The following LRRC40 variants were observed in gnomAD, a reference collection of about 807,000 sequenced individuals.
LRRC40 encodes leucine rich repeat containing 40, also known as leucine-rich repeat-containing protein 40.
In LRRC40, 76 loss-of-function variants were observed where a neutral mutation model predicts 72.8. That is an observed-to-expected ratio of 1.04 (90% CI 0.87 to 1.26). The LOEUF is 1.26. Among genes scored for constraint, LRRC40 ranks in the 50% most tolerant of loss-of-function variants. The probability of loss-of-function intolerance (pLI) is 0.00; values close to 1 mark genes in which losing one functional copy is unlikely to be tolerated. For missense variants in LRRC40, 684 were observed against 698.9 expected (o/e 0.98, Z 0.24); for synonymous variants, 243 against 254.2 (o/e 0.96, Z 0.42).
intron 14 of LRRC40, 132 bp from the exon 15 acceptor site, chr1:70,146,037 T>G (rs1667280744): frequency 1.5e-5 from 8 of 545,326 alleles, no homozygotes; most frequent in Non-Finnish European, 2.2e-5. Flanking sequence ...TTTTATTTCT[T>G]TTTTTGAGAC....
chr1:70,151,250 T>C (rs1170336383), intron 12 of LRRC40, 45 bp from the exon 13 acceptor site: 3 of 889,830 alleles, frequency 3.4e-6, no homozygotes, highest in Non-Finnish European at 5.5e-6. Context: ...TTTGAAAAAT[T>C]TTACAAGTTT....
At chr1:70,162,206 G>A (rs1667779618) in intron 9 of LRRC40, among the ~76,000 whole-genome samples, 1 of 151,962 alleles carries the variant, frequency 6.6e-6, no homozygotes, top group Non-Finnish European at 1.5e-5. Context: ...TTGGAAGAAC[G>A]AACCTTAGGA....
intron 9 of LRRC40, among the ~76,000 whole-genome samples, chr1:70,161,503 C>T (rs1451848189): frequency 6.7e-6 from 1 of 149,594 alleles, no homozygotes. Flanking sequence ...AGTGCAAGAT[C>T]GCGCCACTGC....
intron 2 of LRRC40, 133 bp from the exon 3 acceptor site, chr1:70,187,471 G>A (rs1668386221): frequency 1.8e-6 from 1 of 549,810 alleles, no homozygotes; most frequent in African/African-American, 2.0e-5. Flanking sequence ...TTGAACTACT[G>A]TTCAACATAC....
In LRRC40 at chr1:70,184,054, G is replaced by A. The variant is rs577519848; in HGVS notation, c.537+731C>T. 2.0e-5 allele frequency among the ~76,000 whole-genome samples: 3 copies of A among 152,178 alleles called. No homozygotes were observed. In the South Asian group the frequency reaches 6.2e-4, roughly 32 times the overall value. On this transcript the variant is annotated intron_variant, in intron 4 of 14. Coordinates refer to ENST00000370952, the MANE Select transcript of LRRC40 (RefSeq NM_017768.5). ...ATTTGAGGTCAGGAGTTCAAGATCA[G>A]TCTGGCCAAATGGTGAAACCCCGTC...
Position 70,178,905 on chromosome 1 carries a change from C to T in LRRC40, c.750G>A (p.Leu250=), listed in dbSNP as rs1668169177. Residue 250 remains leucine, a synonymous_variant, in exon 6 of 15, where the codon TTG becomes TTA. Coordinates refer to ENST00000370952, the MANE Select transcript of LRRC40 (RefSeq NM_017768.5). ...GTAGAAAACGTAATTTATTCCTCCG[C>T]AAATAAAGCAATTCTAGTGATTCCA... ...AGMESLELLY[L]RRNKLRFLPE... The T allele has an allele frequency of 1.3e-6, 2 of 1,597,826 alleles. No individual in the cohort carries two copies. The highest frequency in any genetic ancestry group is 2.2e-5 in the South Asian group (2 of 89,174).
Position 70,173,594 on chromosome 1 carries a change from C to T in LRRC40, c.1065+28G>A, listed in dbSNP as rs367676487. 56 of 1,508,042 alleles carry T rather than the reference C, an allele frequency of 3.7e-5. No individual in the cohort carries two copies. In the African/African-American group the frequency reaches 7.1e-4, roughly 19 times the overall value. The allele number at this position is 1,508,042 out of a possible 1,614,324, so 93.4% of individuals were successfully genotyped here. A position where few individuals can be genotyped will look rare whatever the true frequency, so the allele number is the denominator to read the frequency against. ...CATATATGTCTGAATTTCAATTTAACAAAGAGCTGAATTCCAAATATACTT... is the reference window on the plus strand; with the variant it reads ...CATATATGTCTGAATTTCAATTTAATAAAGAGCTGAATTCCAAATATACTT... On this transcript the variant is annotated intron_variant, in intron 8 of 14. Coordinates refer to ENST00000370952, the MANE Select transcript of LRRC40 (RefSeq NM_017768.5).
chr1:70,191,755 A>G (rs1314022392), intron 1 of LRRC40, among the ~76,000 whole-genome samples: 1 of 152,182 alleles, frequency 6.6e-6, no homozygotes, highest in Non-Finnish European at 1.5e-5. Context: ...CAAGTAGTTT[A>G]TCAATATCCA....
At chr1:70,199,904 T>C (rs1414549978) in intron 1 of LRRC40, among the ~76,000 whole-genome samples, 3 of 152,140 alleles carry the variant, frequency 2.0e-5, no homozygotes, top group Admixed American at 6.6e-5. Flanking sequence ...GTTTCAGTTA[T>C]GGGTAAAAGT....
At chr1:70,183,031 C>G (rs577244351) in intron 4 of LRRC40, among the ~76,000 whole-genome samples, 11 of 152,222 alleles carry the variant, frequency 7.2e-5, no homozygotes, top group Admixed American at 3.3e-4. Flanking sequence ...TGATGGCTTC[C>G]TCCTTTGCCA....
At chr1:70,162,185 C>T (rs1406459559) in intron 9 of LRRC40, among the ~76,000 whole-genome samples, 2 of 152,036 alleles carry the variant, frequency 1.3e-5, no homozygotes, top group South Asian at 2.1e-4. Context: ...TCTGAGGCAA[C>T]AGGCTGGGGG....
At chr1:70,202,625 A>G (rs577037963) in intron 1 of LRRC40, among the ~76,000 whole-genome samples, 1 of 152,190 alleles carries the variant, frequency 6.6e-6, no homozygotes, top group Non-Finnish European at 1.5e-5. Context: ...TACGACATGC[A>G]TTTGTCAATT....
chr1:70,185,717 G>A (rs772592261), intron 3 of LRRC40, among the ~76,000 whole-genome samples: 30 of 152,254 alleles, frequency 2.0e-4, no homozygotes, highest in Non-Finnish European at 4.0e-4. Context: ...TCTGTTTGAG[G>A]ACCTAGGATG....
At chr1:70,165,087 T>A (rs1447908147) in intron 9 of LRRC40, among the ~76,000 whole-genome samples, 1 of 152,204 alleles carries the variant, frequency 6.6e-6, no homozygotes, top group Non-Finnish European at 1.5e-5. Context: ...AGGCTCAACA[T>A]AACAACACAT....
At chr1:70,158,022 G>A (rs1209400377) in intron 10 of LRRC40, among the ~76,000 whole-genome samples, 1 of 146,186 alleles carries the variant, frequency 6.8e-6, no homozygotes, top group African/African-American at 2.6e-5. Context: ...AATCGCTTGA[G>A]CCAGGAGGTT....
chr1:70,175,880 A>C lies in LRRC40; in HGVS notation c.907T>G (p.Ser303Ala). The C allele has an allele frequency of 6.2e-7, 1 of 1,603,220 alleles. No individual in the cohort carries two copies. The highest frequency in any genetic ancestry group is 8.5e-7 in the Non-Finnish European group (1 of 1,176,212). The change falls in exon 7 of 15, where the codon TCT becomes GCT. Residue 303 changes from serine to alanine, a missense_variant. Transcript: ENST00000370952. Reference protein sequence around the residue: ...VLDLRDNKLKSVPDEIILLRS... With the variant: ...VLDLRDNKLKAVPDEIILLRS... ...AGTAGTATAATTTCATCTGGAACAG[A>C]TTTTAACTTGTTATCCCTCAGGTCT...
At position 70,173,470 on chromosome 1, in the gene LRRC40, A is replaced by C. The variant is rs1484686881; in HGVS notation, c.1106T>G (p.Ile369Ser). The C allele has an allele frequency of 6.2e-7, 1 of 1,602,838 alleles. No individual in the cohort carries two copies. Among genetic ancestry groups the C allele is most frequent in the Non-Finnish European group, 8.5e-7 (1 of 1,170,526 alleles). ...AAGAGAACATTTTAAAGTACCTTTG[A>C]TCTTGCTTCGTAGATATTTTAGGAC... Reference protein sequence around the residue: ...QEVLKYLRSKIKDDGPSQSES... With the variant: ...QEVLKYLRSKSKDDGPSQSES... The change falls in exon 9 of 15, where the codon ATC becomes AGC. Residue 369 changes from isoleucine (I) to serine (S), a missense_variant. Coordinates refer to ENST00000370952, the MANE Select transcript of LRRC40 (RefSeq NM_017768.5).
intron 9 of LRRC40, among the ~76,000 whole-genome samples, 198 bp downstream of exon 9, chr1:70,173,267 C>T (rs1668036245): frequency 6.6e-6 from 1 of 151,922 alleles, no homozygotes; most frequent in South Asian, 2.1e-4. Context: ...ACAGATAGTA[C>T]ATTATTATTG....
intron 4 of LRRC40, among the ~76,000 whole-genome samples, chr1:70,183,204 A>T (rs1001387291): frequency 6.6e-6 from 1 of 152,210 alleles, no homozygotes; most frequent in Non-Finnish European, 1.5e-5. Context: ...AAAAATAGAA[A>T]AGGAGTAATT....
Sources: allele counts gnomAD v4.1 joint callset (sites outside exome capture counted in the v4.1 genomes callset), GRCh38; gene constraint gnomAD v4.1.1; transcripts MANE v1.5; gene names NCBI Gene and HGNC (gene_info 2026-07-23, HGNC 2026-07-21).